Variants in KSR1 observed in about 807,000 individuals in gnomAD.
KSR1 encodes kinase suppressor of ras.
A neutral mutation model predicts 92.9 loss-of-function variants in KSR1; 35 were observed. The ratio of observed to expected loss-of-function variants is 0.38; its 90% CI spans 0.29 to 0.50. The LOEUF (loss-of-function observed/expected upper bound fraction) is 0.50, where lower values mean the gene tolerates loss of function less well. Ranked by LOEUF, KSR1 falls within the 20% of genes least tolerant of loss-of-function variation. KSR1 has a pLI of 0.94. For missense variants in KSR1, 972 were observed against 1,158.5 expected (o/e 0.84, Z 2.34); for synonymous variants, 467 against 472.6 (o/e 0.99, Z 0.15).
chr17:27,572,973 C>T lies in KSR1; in HGVS notation c.373-4519C>T, dbSNP rs1341530714. ...TCAGTTGTAGAGTTGGGAGGTGGGGCACTTTGTTTCCAGGGTGGGCCCCTC... is the reference window on the plus strand; with the variant it reads ...TCAGTTGTAGAGTTGGGAGGTGGGGTACTTTGTTTCCAGGGTGGGCCCCTC... On this transcript the variant is annotated intron_variant, in intron 2 of 20. Transcript: ENST00000644974. Among the ~76,000 whole-genome samples the T allele has an allele frequency of 3.9e-5, 6 of 152,140 alleles. 1 individual carries two copies. The highest frequency in any genetic ancestry group is 3.9e-4 in the Admixed American group (6 of 15,276).
At chr17:27,464,268 G>A (rs1022071206) in intron 1 of KSR1, among the ~76,000 whole-genome samples, 45 of 152,148 alleles carry the variant, frequency 3.0e-4, no homozygotes, top group African/African-American at 9.2e-4. Context: ...GGTATGTCAC[G>A]GGTGGACCTT....
intron 1 of KSR1, among the ~76,000 whole-genome samples, chr17:27,508,166 G>A (rs1036934051): frequency 1.3e-5 from 2 of 152,184 alleles, no homozygotes; most frequent in Non-Finnish European, 2.9e-5. Flanking sequence ...AGCAAGTTAG[G>A]TTACTGAGGG....
At chr17:27,518,477 A>G (rs900455517) in intron 1 of KSR1, among the ~76,000 whole-genome samples, 1 of 152,096 alleles carries the variant, frequency 6.6e-6, no homozygotes, top group Non-Finnish European at 1.5e-5. Flanking sequence ...AAAGCATAGA[A>G]TTGGTTTCTG....
chr17:27,597,411 G>T lies in KSR1; in HGVS notation c.1443G>T (p.Gln481His), dbSNP rs753917032. Residue 481 changes from glutamine (Q) to histidine (H), a missense_variant, in exon 10 of 21, where the codon CAG becomes CAT. Physicochemically the swap from Gln to His is conservative, Grantham distance 24. Coordinates refer to ENST00000644974, the MANE Select transcript of KSR1 (RefSeq NM_001394583.1). ...CGCCCCCCAACCCCTCACCTGGCCAGCGGGACAGCAGGTTCAACTTCCCAG... is the reference window on the plus strand; with the variant it reads ...CGCCCCCCAACCCCTCACCTGGCCATCGGGACAGCAGGTTCAACTTCCCAG... ...ATTPPNPSPGQRDSRFNFPAA... is the reference protein window; with the variant it reads ...ATTPPNPSPGHRDSRFNFPAA... The T allele has an allele frequency of 6.2e-7, 1 of 1,610,620 alleles. No individual in the cohort carries two copies. The highest frequency in any genetic ancestry group is 1.1e-5 in the South Asian group (1 of 90,660).
chr17:27,504,479 G>T (rs987087548), intron 1 of KSR1, among the ~76,000 whole-genome samples: 1 of 152,178 alleles, frequency 6.6e-6, no homozygotes, highest in African/African-American at 2.4e-5. Flanking sequence ...GGGTTTGAGG[G>T]TTCCGGGGAA....
chr17:27,603,194 A>G (rs950248905), intron 11 of KSR1, among the ~76,000 whole-genome samples: 1 of 152,228 alleles, frequency 6.6e-6, no homozygotes, highest in Non-Finnish European at 1.5e-5. Flanking sequence ...CCCCAGGCTC[A>G]GGGATCAGCC....
At chr17:27,474,772 G>A (rs889338604) in intron 1 of KSR1, among the ~76,000 whole-genome samples, 1 of 152,112 alleles carries the variant, frequency 6.6e-6, no homozygotes, top group Non-Finnish European at 1.5e-5. Context: ...TGGAACTTAC[G>A]CTTCAGTGTT....
In KSR1 at chr17:27,617,286, C is replaced by T; in HGVS notation, c.2494-9C>T. 1 of 1,602,630 alleles carries T rather than the reference C, an allele frequency of 6.2e-7. No individual in the cohort carries two copies. The highest frequency in any genetic ancestry group is 8.5e-7 in the Non-Finnish European group (1 of 1,172,084). ...GCTCACACACCACTAATGGCAGCTC[C>T]ATTTGCAGGAGATCCTGTCGGCCTG... On this transcript the variant is annotated splice_polypyrimidine_tract_variant and intron_variant, in intron 18 of 20. Coordinates refer to ENST00000644974, the MANE Select transcript of KSR1 (RefSeq NM_001394583.1).
At chr17:27,579,904 A>AAAAAAAAAAAAAAAAAAAAAAAAAAAAAC in intron 3 of KSR1, 1 of 148,658 alleles carries the variant, frequency 6.7e-6, no homozygotes, top group Non-Finnish European at 1.5e-5. Flanking sequence ...AAAAAAAAAA[A>AAAAAAAAAAAAAAAAAAAAAAAAAAAAAC]AAAAAAAGTG....
chr17:27,591,422 A>G (rs2073162502), intron 7 of KSR1, among the ~76,000 whole-genome samples: 1 of 152,202 alleles, frequency 6.6e-6, no homozygotes, highest in East Asian at 1.9e-4. Context: ...CACCTAATGC[A>G]GGGAGGCCTC....
At chr17:27,560,089 G>A (rs979564989) in intron 2 of KSR1, among the ~76,000 whole-genome samples, 4 of 152,234 alleles carry the variant, frequency 2.6e-5, no homozygotes, top group Non-Finnish European at 5.9e-5. Flanking sequence ...AAGGGTCGGG[G>A]ATAGGAAATG....
At chr17:27,513,872 G>A (rs924954107) in intron 1 of KSR1, among the ~76,000 whole-genome samples, 1 of 152,140 alleles carries the variant, frequency 6.6e-6, no homozygotes, top group Non-Finnish European at 1.5e-5. Context: ...GGACCTGAAC[G>A]CTCAACCCCT....
At chr17:27,591,270 G>T (rs1282796888) in intron 7 of KSR1, among the ~76,000 whole-genome samples, 1 of 152,210 alleles carries the variant, frequency 6.6e-6, no homozygotes, top group Admixed American at 6.5e-5. Context: ...GCTTGCGGAA[G>T]GGGAGAGTGA....
intron 1 of KSR1, among the ~76,000 whole-genome samples, chr17:27,489,475 C>T (rs752431476): frequency 3.3e-5 from 5 of 152,182 alleles, no homozygotes; most frequent in Non-Finnish European, 7.3e-5. Context: ...GCTCCATCTG[C>T]CACTTTCCCT....
Position 27,620,311 on chromosome 17 carries a change from C to A in KSR1, c.2628-882C>A, listed in dbSNP as rs138067013. Among the ~76,000 whole-genome samples the A allele has an allele frequency of 5.9e-5, 9 of 152,176 alleles. No homozygotes were observed. The South Asian group carries it at 1.9e-3, about 31-fold the overall frequency. ...TGCACACCTGCCGCATGCCTGCACA[C>A]CTGCCGCATTGCTACACAGATGGCC... On this transcript the variant is annotated intron_variant, in intron 19 of 20. Coordinates refer to ENST00000644974, the MANE Select transcript of KSR1 (RefSeq NM_001394583.1).
chr17:27,602,155 GTA>G (rs1567876613), intron 11 of KSR1, among the ~76,000 whole-genome samples: 1 of 152,130 alleles, frequency 6.6e-6, no homozygotes, highest in Non-Finnish European at 1.5e-5. Context: ...TGAAGTCACA[GTA>G]TTTTGGTTAC....
rs549309548 is a variant in KSR1, at chr17:27,609,115, G to A, written c.2092-81G>A. 6.8e-5 allele frequency: 98 copies of A among 1,446,082 alleles called. No individual in the cohort carries two copies. The African/African-American group carries it at 1.3e-3, about 19-fold the overall frequency. The allele number at this position is 1,446,082 out of a possible 1,614,324, so 89.6% of individuals were successfully genotyped here. On this transcript the variant is annotated intron_variant, in intron 15 of 20. Coordinates refer to ENST00000644974, the MANE Select transcript of KSR1 (RefSeq NM_001394583.1). ...CATGGAATTGTGAAGATCAAATATG[G>A]GGATTTAGGTAAATCATCCAGCCCA... is the stretch of plus-strand genomic sequence containing the variant.
intron 19 of KSR1, among the ~76,000 whole-genome samples, chr17:27,618,020 C>T (rs547884646): frequency 5.2e-4 from 79 of 152,316 alleles, no homozygotes; most frequent in African/African-American, 1.9e-3. Flanking sequence ...TGATACCAGG[C>T]CAGGCCAGGA....
At chr17:27,586,084 G>T in intron 5 of KSR1, 1 of 204,976 alleles carries the variant, frequency 4.9e-6, no homozygotes. Context: ...GATGTCCTGG[G>T]ATCCCACTCT....
Sources: gnomAD v4.1 joint callset for allele counts (sites outside exome capture counted in the v4.1 genomes callset) on GRCh38, gnomAD v4.1.1 for gene constraint, MANE v1.5 for transcripts, NCBI Gene and HGNC (gene_info 2026-07-23, HGNC 2026-07-21) for gene names.